Variants in PTPRQ observed in about 807,000 individuals in gnomAD.
PTPRQ encodes protein tyrosine phosphatase receptor type Q.
In PTPRQ, 199 loss-of-function variants were observed where a neutral mutation model predicts 246.0. The observed-to-expected ratio is 0.81, with a 90% confidence interval of 0.72 to 0.91. The LOEUF is 0.91. Among genes scored for constraint, PTPRQ ranks in the 40% least tolerant of loss-of-function variants. PTPRQ has a pLI of 0.00. For synonymous variants in PTPRQ, 869 were observed against 853.2 expected (o/e 1.02, Z -0.32); for missense variants, 2,624 against 2,528.4 (o/e 1.04, Z -0.81).
intron 17 of PTPRQ, among the ~76,000 whole-genome samples, chr12:80,528,446 T>C (rs1177139456): frequency 6.8e-6 from 1 of 147,916 alleles, no homozygotes; most frequent in Non-Finnish European, 1.5e-5. Flanking sequence ...GTTGAAATAA[T>C]GAAAGAAAGA....
rs976137332 is a variant in PTPRQ at position 80,613,964 on chromosome 12, T to A, written c.5163+128T>A. 11 of 1,155,528 alleles carry A rather than the reference T, an allele frequency of 9.5e-6. No individual in the cohort carries two copies. The African/African-American group carries it at 1.6e-4, about 17-fold the overall frequency. 71.6% of individuals were successfully genotyped at this position (1,155,528 alleles called of 1,614,324 possible). A position where few individuals can be genotyped will look rare whatever the true frequency, so the allele number is the denominator to read the frequency against. On this transcript the variant is annotated intron_variant, in intron 29 of 44. Transcript: ENST00000644991. ...TCTTTTTGTGAGATTGTTTGACATC[T>A]CAACAAAAATAAATTTTGAGAACTG...
At position 80,503,695 on chromosome 12, in the gene PTPRQ, C is replaced by T. The variant is rs191982920; in HGVS notation, c.2273-2329C>T. Among the ~76,000 whole-genome samples, 318 of 151,700 alleles carry T rather than the reference C, an allele frequency of 2.1e-3. 3 individuals carry two copies. Among genetic ancestry groups the T allele is most frequent in the African/African-American group, 7.2e-3 (298 of 41,472 alleles). On this transcript the variant is annotated intron_variant, in intron 14 of 44. Transcript: ENST00000644991. ...CAAGTTAATTATTTATGTTATTGTT[C>T]TATGTACTCAATTTTTAAACCATTA...
At chr12:80,525,654 GTCTC>G (rs71816551) in intron 17 of PTPRQ, among the ~76,000 whole-genome samples, 11,328 of 147,070 alleles carry the variant, frequency 0.077, 574 homozygotes, top group African/African-American at 0.14. Flanking sequence ...CTCTCTCTCT[GTCTC>G]TCTCTCTCTC....
intron 16 of PTPRQ, among the ~76,000 whole-genome samples, chr12:80,508,515 G>A (rs1470435399): frequency 6.6e-6 from 1 of 151,968 alleles, no homozygotes; most frequent in Non-Finnish European, 1.5e-5. Context: ...GATCATGCCA[G>A]GTAGAGGAGT....
At position 80,493,195 on chromosome 12, in the gene PTPRQ, G is replaced by A. The variant is rs1190928616; in HGVS notation, c.1360-80G>A. The A allele has an allele frequency of 8.3e-6, 11 of 1,330,886 alleles. No individual in the cohort carries two copies. The Admixed American group carries it at 3.4e-4, about 41-fold the overall frequency. 82.4% of individuals were successfully genotyped at this position (1,330,886 alleles called of 1,614,324 possible). ...ATAACAGCATGATTCCAAAGTTATA[G>A]GTTTTTTAGAACTAATACTTGATTT... On this transcript the variant is annotated intron_variant, in intron 9 of 44. Transcript: ENST00000644991.
At chr12:80,666,611 A>G (rs1231769456) in intron 39 of PTPRQ, among the ~76,000 whole-genome samples, 2 of 152,000 alleles carry the variant, frequency 1.3e-5, no homozygotes, top group African/African-American at 2.4e-5. Flanking sequence ...GGATGTGCTC[A>G]TTACCCTGAC....
At chr12:80,454,779 TA>T (rs1227786205) in intron 3 of PTPRQ, among the ~76,000 whole-genome samples, 1 of 152,204 alleles carries the variant, frequency 6.6e-6, no homozygotes, top group Non-Finnish European at 1.5e-5. Context: ...TTAAGTTTAA[TA>T]AAAAAGTAGA....
intron 23 of PTPRQ, among the ~76,000 whole-genome samples, chr12:80,544,112 GCTCTGA>G (rs1415180908): frequency 6.6e-5 from 10 of 152,096 alleles, no homozygotes; most frequent in South Asian, 6.2e-4. Flanking sequence ...TGAAGCAAGG[GCTCTGA>G]CTCCAAATTA....
At chr12:80,674,921 G>C (rs1190786911) in intron 43 of PTPRQ, among the ~76,000 whole-genome samples, 1 of 152,088 alleles carries the variant, frequency 6.6e-6, no homozygotes, top group Non-Finnish European at 1.5e-5. Flanking sequence ...TGATGAATGT[G>C]TTAGTCTTGC....
In PTPRQ at chr12:80,661,159, TA is replaced by T. The variant is rs1396035756; in HGVS notation, c.6192+3099del. ...AGGATTTGCTAGACAGTTTGGGGGATATTAAGATGAAGAATCTCTGCTTTTA... is the reference window on the plus strand; with the variant it reads ...AGGATTTGCTAGACAGTTTGGGGGATTTAAGATGAAGAATCTCTGCTTTTA... On this transcript the variant is annotated intron_variant, in intron 39 of 44. Transcript: ENST00000644991. 2.0e-5 allele frequency among the ~76,000 whole-genome samples: 3 copies of T among 151,644 alleles called. No individual in the cohort carries two copies. In the East Asian group the frequency reaches 5.8e-4, roughly 29 times the overall value.
intron 17 of PTPRQ, among the ~76,000 whole-genome samples, chr12:80,530,280 T>C (rs1401472224): frequency 1.3e-5 from 2 of 152,206 alleles, no homozygotes; most frequent in Admixed American, 6.5e-5. Flanking sequence ...GTTATTGTCC[T>C]TGTCCTTAAG....
intron 25 of PTPRQ, among the ~76,000 whole-genome samples, chr12:80,583,110 A>G (rs1480804913): frequency 6.6e-6 from 1 of 152,146 alleles, no homozygotes; most frequent in Non-Finnish European, 1.5e-5. Context: ...TTTATCTGTG[A>G]AGCTTCTTCT....
At chr12:80,519,664 T>C (rs1895411472) in intron 17 of PTPRQ, among the ~76,000 whole-genome samples, 1 of 152,144 alleles carries the variant, frequency 6.6e-6, no homozygotes. Context: ...TGAACAAACA[T>C]GTATGTAACA....
chr12:80,581,129 G>A (rs1439834127), intron 25 of PTPRQ, among the ~76,000 whole-genome samples: 1 of 152,162 alleles, frequency 6.6e-6, no homozygotes, highest in African/African-American at 2.4e-5. Flanking sequence ...GCAAAGGGCA[G>A]CCTCTTCTGC....
chr12:80,649,712 C>A (rs746571195), intron 37 of PTPRQ, 43 bp downstream of exon 37: 25 of 1,516,998 alleles, frequency 1.6e-5, no homozygotes, highest in African/African-American at 7.0e-5. Flanking sequence ...GACCTCCAGT[C>A]GTTTCATGTG....
At chr12:80,641,257 T>C (rs1430153585) in intron 35 of PTPRQ, among the ~76,000 whole-genome samples, 1 of 152,166 alleles carries the variant, frequency 6.6e-6, no homozygotes, top group Non-Finnish European at 1.5e-5. Flanking sequence ...ATATCAGCAC[T>C]AGCAGGGACC....
intron 39 of PTPRQ, among the ~76,000 whole-genome samples, chr12:80,660,042 C>G (rs1237527116): frequency 6.6e-6 from 1 of 151,984 alleles, no homozygotes; most frequent in Non-Finnish European, 1.5e-5. Context: ...TCTGGTATAT[C>G]AATTTCCCCC....
intron 33 of PTPRQ, among the ~76,000 whole-genome samples, chr12:80,631,058 A>C (rs1234092021): frequency 1.3e-5 from 2 of 152,154 alleles, no homozygotes; most frequent in East Asian, 3.8e-4. Flanking sequence ...ACATTTATGC[A>C]GCAAAATTAT....
rs746591877 is a variant in PTPRQ, at chr12:80,539,283, G to C, written c.2986-493G>C. On this transcript the variant is annotated intron_variant, in intron 19 of 44. Coordinates refer to ENST00000644991, the MANE Select transcript of PTPRQ (RefSeq NM_001145026.2). ...GTAAAGTCTGAAAAGAAATGTGAAA[G>C]TCTGAAAGCCCACTAAATGTGAATA... Among the ~76,000 whole-genome samples the C allele has an allele frequency of 3.0e-4, 46 of 152,186 alleles. No homozygotes were observed. In the Middle Eastern group the frequency reaches 0.014, roughly 45 times the overall value.
Sources: allele counts gnomAD v4.1 joint callset (sites outside exome capture counted in the v4.1 genomes callset), GRCh38; gene constraint gnomAD v4.1.1; transcripts MANE v1.5; gene names NCBI Gene and HGNC (gene_info 2026-07-23, HGNC 2026-07-21).